ECPAS: variants seen among roughly 807,000 people sequenced by gnomAD.
The protein encoded by ECPAS is proteasome adapter and scaffold protein ECM29.
ECPAS carries 70 observed loss-of-function variants against 255.1 expected under a neutral mutation model. That is an observed-to-expected ratio of 0.27 (90% CI 0.23 to 0.33). The LOEUF (loss-of-function observed/expected upper bound fraction) is 0.33. ECPAS is among the 10% of genes least tolerant of loss of function. ECPAS has a pLI of 1.00. For synonymous variants in ECPAS, 784 were observed against 775.0 expected, an observed-to-expected ratio of 1.01 and a Z score of -0.19; for missense variants, 1,817 against 2,206.4, an observed-to-expected ratio of 0.82 and a Z score of 3.54.
In ECPAS at chr9:111,384,505, T is replaced by G. The variant is rs1185032263; in HGVS notation, c.3681+17A>C. On this transcript the variant is annotated intron_variant, in intron 34 of 49. Transcript: ENST00000684092. ...ACCCTGCTCCACTCCATTCCCAATGTAAGACGGGGTTTTCACCTTGCTCAG... is the reference window on the plus strand; with the variant it reads ...ACCCTGCTCCACTCCATTCCCAATGGAAGACGGGGTTTTCACCTTGCTCAG... The G allele has an allele frequency of 1.2e-6, 2 of 1,611,758 alleles. No homozygotes were observed. Among genetic ancestry groups the G allele is most frequent in the South Asian group, 2.2e-5 (2 of 91,024 alleles).
intron 1 of ECPAS, among the ~76,000 whole-genome samples, chr9:111,477,140 G>A (rs1458084903): frequency 6.7e-6 from 1 of 150,026 alleles, no homozygotes; most frequent in Non-Finnish European, 1.5e-5. Flanking sequence ...ATGGAGTCTA[G>A]CTCTGTCACC....
At position 111,363,579 on chromosome 9, in the gene ECPAS, A is replaced by T. The variant is rs773639607; in HGVS notation, c.5380+9T>A. 62 of 1,546,974 alleles carry T rather than the reference A, an allele frequency of 4.0e-5. 1 individual carries two copies. In the South Asian group the frequency reaches 7.0e-4, roughly 17 times the overall value. On this transcript the variant is annotated intron_variant, in intron 49 of 49. Transcript: ENST00000684092. ...TATGGTCCCCCAGTCAGAACTAACA[A>T]CAACTTACCTTCAAGTTTTTTAAGC...
chr9:111,437,246 T>A, intron 6 of ECPAS, 138 bp from the exon 7 acceptor site: 6 of 719,210 alleles, frequency 8.3e-6, no homozygotes, highest in Non-Finnish European at 1.2e-5. Context: ...TAAAATTTCA[T>A]CATAAAAAAA....
intron 33 of ECPAS, 119 bp downstream of exon 33, chr9:111,385,218 G>A (rs1589129773): frequency 1.6e-6 from 1 of 607,092 alleles, no homozygotes; most frequent in East Asian, 2.9e-5. Context: ...AACTTTGGGG[G>A]AAAACGTTGG....
chr9:111,480,070 G>A (rs546110717), intron 1 of ECPAS, among the ~76,000 whole-genome samples: 1 of 151,416 alleles, frequency 6.6e-6, no homozygotes, highest in African/African-American at 2.4e-5. Flanking sequence ...ATATGATAAA[G>A]TTATTTGACT....
At chr9:111,482,330 G>T (rs773965213) in intron 1 of ECPAS, among the ~76,000 whole-genome samples, 1 of 152,200 alleles carries the variant, frequency 6.6e-6, no homozygotes, top group Non-Finnish European at 1.5e-5. Flanking sequence ...CCAGTTCTGT[G>T]TCAAAGCAGC....
At chr9:111,371,368 C>T (rs191722817) in intron 43 of ECPAS, among the ~76,000 whole-genome samples, 1 of 152,140 alleles carries the variant, frequency 6.6e-6, no homozygotes, top group Non-Finnish European at 1.5e-5. Context: ...TAAGACGTAA[C>T]TTGGAAGGCT....
intron 3 of ECPAS, among the ~76,000 whole-genome samples, chr9:111,448,030 T>C (rs2098255588): frequency 1.3e-5 from 2 of 152,044 alleles, no homozygotes; most frequent in African/African-American, 4.8e-5. Flanking sequence ...AGCTAGAAGA[T>C]CTAAAATGTT....
chr9:111,363,110 C>A (rs2131452021), intron 49 of ECPAS, among the ~76,000 whole-genome samples: 1 of 148,176 alleles, frequency 6.7e-6, no homozygotes, highest in South Asian at 2.3e-4. Flanking sequence ...TAACAGTTCC[C>A]CCCCACCCCA....
At chr9:111,410,785 C>T (rs908083464) in intron 22 of ECPAS, among the ~76,000 whole-genome samples, 195 bp downstream of exon 22, 2 of 152,198 alleles carry the variant, frequency 1.3e-5, no homozygotes, top group East Asian at 1.9e-4. Context: ...TCCCAAAGTA[C>T]TGAGATTATA....
chr9:111,392,955 TAA>T, intron 27 of ECPAS, 73 bp from the exon 28 acceptor site: 8 of 942,840 alleles, frequency 8.5e-6, no homozygotes, highest in Non-Finnish European at 1.3e-5. Flanking sequence ...TCAAAATTTT[TAA>T]AGTTATGTTG....
intron 11 of ECPAS, 83 bp from the exon 12 acceptor site, chr9:111,425,579 G>A (rs746667531): frequency 5.4e-6 from 6 of 1,106,926 alleles, no homozygotes; most frequent in Non-Finnish European, 7.7e-6. Flanking sequence ...AAAATAATGA[G>A]AGACATAACC....
At chr9:111,463,711 C>T (rs1417066097) in intron 2 of ECPAS, among the ~76,000 whole-genome samples, 2 of 151,670 alleles carry the variant, frequency 1.3e-5, no homozygotes, top group Non-Finnish European at 2.9e-5. Context: ...TTGAGATTGA[C>T]AAAAATGCCA....
rs1364543893 is a variant in ECPAS at position 111,393,609 on chromosome 9, A to G, written c.2977+71T>C. The G allele has an allele frequency of 2.9e-6, 3 of 1,017,586 alleles. No individual in the cohort carries two copies. In the African/African-American group the frequency reaches 4.9e-5, roughly 16 times the overall value. 63.0% of individuals were successfully genotyped at this position (1,017,586 alleles called of 1,614,324 possible). ...CTCAAGAAAGTTTTCTTTCATGTTC[A>G]TTAATCCAGGTTTTTGAACATTTAA... On this transcript the variant is annotated intron_variant, in intron 27 of 49. Coordinates refer to ENST00000684092, the MANE Select transcript of ECPAS (RefSeq NM_001364929.1).
Position 111,416,343 on chromosome 9 carries a change from G to T in ECPAS, c.1693C>A (p.Arg565=), listed in dbSNP as rs1199496150. The part of the protein sequence containing the change: ...VYYIQEKASH[R]MKTPVKYMTG... Reference sequence around the variant, plus strand: ...ATGTACTTGACTGGAGTTTTCATTCGATGAGAAGCCTAAGTTTAAAAAGTC... The same window carrying T: ...ATGTACTTGACTGGAGTTTTCATTCTATGAGAAGCCTAAGTTTAAAAAGTC... Residue 565 remains arginine (R), a synonymous_variant, in exon 18 of 50, where the codon CGA becomes AGA. Transcript: ENST00000684092. The T allele has an allele frequency of 6.2e-7, 1 of 1,613,044 alleles. No homozygotes were observed. The highest frequency in any genetic ancestry group is 1.7e-5 in the Admixed American group (1 of 59,970).
intron 1 of ECPAS, among the ~76,000 whole-genome samples, chr9:111,479,044 C>T (rs1490387662): frequency 2.0e-5 from 3 of 152,172 alleles, no homozygotes; most frequent in African/African-American, 7.2e-5. Context: ...TGAGTGCATA[C>T]TAGAGACTGA....
At chr9:111,422,387 G>A (rs867162943) in intron 13 of ECPAS, among the ~76,000 whole-genome samples, 187 bp from the exon 14 acceptor site, 24 of 152,064 alleles carry the variant, frequency 1.6e-4, no homozygotes, top group Non-Finnish European at 1.8e-4. Flanking sequence ...TGATTAACAC[G>A]CACATCTTCC....
intron 1 of ECPAS, 185 bp downstream of exon 1, chr9:111,483,931 C>A: frequency 1.2e-6 from 1 of 815,976 alleles, no homozygotes; most frequent in South Asian, 5.3e-5. Flanking sequence ...GCCCCCCCGC[C>A]GGGCCCCTCG....
chr9:111,383,006 C>G (rs554869112), intron 35 of ECPAS, among the ~76,000 whole-genome samples: 3 of 152,158 alleles, frequency 2.0e-5, no homozygotes, highest in African/African-American at 7.2e-5. Context: ...CAGAACAACA[C>G]GCTTGACTCA....
Sources: gnomAD v4.1 joint callset for allele counts (sites outside exome capture counted in the v4.1 genomes callset) on GRCh38, gnomAD v4.1.1 for gene constraint, MANE v1.5 for transcripts, NCBI Gene and HGNC (gene_info 2026-07-23, HGNC 2026-07-21) for gene names.